TENM4: variants seen among roughly 807,000 people sequenced by gnomAD.
TENM4 encodes the protein teneurin-4.
Under a neutral mutation model 243.3 loss-of-function variants are expected in TENM4, and 82 were observed. That is an observed-to-expected ratio of 0.34 (90% CI 0.28 to 0.40). The LOEUF (loss-of-function observed/expected upper bound fraction) is 0.40. Among genes scored for constraint, TENM4 ranks in the 10% least tolerant of loss-of-function variants. TENM4 has a pLI of 1.00. For missense variants in TENM4, 3,138 were observed against 3,673.3 expected (o/e 0.85, Z 3.77); for synonymous variants, 1,412 against 1,456.3 (o/e 0.97, Z 0.69).
chr11:78,769,802 G>A (rs916845996), intron 18 of TENM4, among the ~76,000 whole-genome samples: 7 of 152,222 alleles, frequency 4.6e-5, no homozygotes, highest in Admixed American at 1.3e-4. Flanking sequence ...GCTGAAAGCC[G>A]GCTGGCTCAA....
At chr11:78,675,655 G>T (rs774605881) in intron 30 of TENM4, among the ~76,000 whole-genome samples, 1 of 152,202 alleles carries the variant, frequency 6.6e-6, no homozygotes, top group African/African-American at 2.4e-5. Context: ...TCATTTTGGA[G>T]AATGTAGCTT....
chr11:78,898,499 G>C (rs1176319651), intron 7 of TENM4, among the ~76,000 whole-genome samples: 1 of 152,180 alleles, frequency 6.6e-6, no homozygotes, highest in Non-Finnish European at 1.5e-5. Flanking sequence ...TTCTGGTGGG[G>C]ACTGGCCCAA....
intron 1 of TENM4, among the ~76,000 whole-genome samples, chr11:79,425,044 A>C (rs1859019863): frequency 6.6e-6 from 1 of 152,168 alleles, no homozygotes; most frequent in South Asian, 2.1e-4. Context: ...ATAATGTCTT[A>C]ATAGTACCTT....
At chr11:78,835,586 C>T (rs1160338296) in intron 12 of TENM4, among the ~76,000 whole-genome samples, 1 of 152,174 alleles carries the variant, frequency 6.6e-6, no homozygotes, top group Non-Finnish European at 1.5e-5. Context: ...GGCCCTAGTC[C>T]TCATCCTCCT....
At chr11:79,221,153 C>T (rs936852647) in intron 2 of TENM4, 3 of 152,224 alleles carry the variant, frequency 2.0e-5, no homozygotes, top group Non-Finnish European at 4.4e-5. Flanking sequence ...GGGGAAGAAA[C>T]GAAGCATCAA....
chr11:79,147,589 G>A (rs1862417700), intron 4 of TENM4, among the ~76,000 whole-genome samples: 1 of 152,044 alleles, frequency 6.6e-6, no homozygotes, highest in Non-Finnish European at 1.5e-5. Context: ...CCTTATGAGA[G>A]TCTCTAGCAC....
intron 15 of TENM4, among the ~76,000 whole-genome samples, chr11:78,800,860 G>A (rs944586163): frequency 2.6e-5 from 4 of 152,022 alleles, no homozygotes; most frequent in South Asian, 2.1e-4. Context: ...CTTATGAGTC[G>A]GGTGAGGGTT....
chr11:78,944,063 G>A (rs940537002), intron 6 of TENM4, among the ~76,000 whole-genome samples: 1 of 152,190 alleles, frequency 6.6e-6, no homozygotes, highest in African/African-American at 2.4e-5. Context: ...CACCAGAGCA[G>A]CTGGTTTTCT....
intron 3 of TENM4, among the ~76,000 whole-genome samples, chr11:79,159,192 TG>T (rs1305945947): frequency 6.6e-6 from 1 of 152,206 alleles, no homozygotes; most frequent in African/African-American, 2.4e-5. Context: ...AACGCATCTT[TG>T]TTGAGTCAAC....
At chr11:79,252,728 C>G (rs1855632991) in intron 2 of TENM4, among the ~76,000 whole-genome samples, 1 of 152,114 alleles carries the variant, frequency 6.6e-6, no homozygotes, top group Admixed American at 6.5e-5. Flanking sequence ...GGAGCTTGAC[C>G]TCTCCCTTCT....
chr11:78,806,429 C>T (rs1857389689), intron 14 of TENM4, among the ~76,000 whole-genome samples: 1 of 152,208 alleles, frequency 6.6e-6, no homozygotes, highest in African/African-American at 2.4e-5. Context: ...CACAGCCAGG[C>T]AGCCCTTTAG....
intron 22 of TENM4, 104 bp from the exon 23 acceptor site, chr11:78,726,326 A>G (rs1421985479): frequency 5.9e-6 from 8 of 1,360,532 alleles, no homozygotes; most frequent in East Asian, 2.5e-5. Flanking sequence ...TAGAAGAGGA[A>G]AAAAGGGTCA....
chr11:78,812,282 T>C lies in TENM4; in HGVS notation c.1818A>G (p.Gln606=). 1 of 1,551,888 alleles carries C rather than the reference T, an allele frequency of 6.4e-7. No homozygotes were observed. The highest frequency in any genetic ancestry group is 1.4e-5 in the African/African-American group (1 of 73,184). ...SCPVLCSGNG[Q]YMKGRCLCHS... is the part of the protein sequence containing the mutation. ...GGCACAAGCATCTGCCTTTCATGTA[T>C]TGGCCATTTCCGCTACAGAGCACGG... The change falls in exon 14 of 34, where the codon CAA becomes CAG. Residue 606 remains glutamine (Q), a synonymous_variant. Coordinates refer to ENST00000278550, the MANE Select transcript of TENM4 (RefSeq NM_001098816.3).
Position 78,669,864 on chromosome 11 carries a change from A to G in TENM4, c.6481T>C (p.Ser2161Pro). 1 of 1,613,764 alleles carries G rather than the reference A, an allele frequency of 6.2e-7. No individual in the cohort carries two copies. Among genetic ancestry groups the G allele is most frequent in the Non-Finnish European group, 8.5e-7 (1 of 1,179,804 alleles). Residue 2161 changes from serine (S) to proline (P), a missense_variant, in exon 32 of 34, where the codon TCG becomes CCG. Ser to Pro is a moderately conservative substitution (Grantham distance 74). Transcript: ENST00000278550. This position sits in a 1 kb window ranked among gnomAD's most constrained non-coding sequence, Gnocchi z 6.4. Reference sequence around the variant, plus strand: ...TGGACGGTCATCCAGTACATGAGCGAGCGGAAGATCTCATACTGCACTTCC... The same window carrying G: ...TGGACGGTCATCCAGTACATGAGCGGGCGGAAGATCTCATACTGCACTTCC... ...MKEVQYEIFR[S>P]LMYWMTVQYD...
At chr11:78,969,401 A>T (rs1477693583) in intron 6 of TENM4, among the ~76,000 whole-genome samples, 3 of 152,200 alleles carry the variant, frequency 2.0e-5, no homozygotes, top group African/African-American at 4.8e-5. Flanking sequence ...TTGCATTTGA[A>T]ATCTAACCTA....
chr11:79,385,145 G>C (rs908361675), intron 1 of TENM4, among the ~76,000 whole-genome samples: 1 of 152,046 alleles, frequency 6.6e-6, no homozygotes, highest in Non-Finnish European at 1.5e-5. Context: ...TAGGCCAGTG[G>C]CTTTCACCTT....
At chr11:79,331,879 C>CT (rs1389747529) in intron 1 of TENM4, among the ~76,000 whole-genome samples, 3 of 152,242 alleles carry the variant, frequency 2.0e-5, no homozygotes, top group Non-Finnish European at 4.4e-5. Flanking sequence ...GCAGCCTCTG[C>CT]TACTCATGCA....
intron 3 of TENM4, among the ~76,000 whole-genome samples, chr11:79,186,745 C>G (rs1479210206): frequency 2.0e-5 from 3 of 152,172 alleles, no homozygotes; most frequent in Admixed American, 1.3e-4. Context: ...TTTTCTAGAC[C>G]TATGCAAATA....
At chr11:78,667,799 AG>A (rs1006021981) in intron 32 of TENM4, among the ~76,000 whole-genome samples, 3 of 152,226 alleles carry the variant, frequency 2.0e-5, no homozygotes, top group African/African-American at 7.2e-5. Context: ...GCACGACAAA[AG>A]AGGGGAGAGA....
Sources: allele counts gnomAD v4.1 joint callset (sites outside exome capture counted in the v4.1 genomes callset), GRCh38; gene constraint gnomAD v4.1.1; non-coding constraint Gnocchi (gnomAD v3.1); transcripts MANE v1.5; gene names NCBI Gene and HGNC (gene_info 2026-07-23, HGNC 2026-07-21).